The following COL27A1 variants were observed in gnomAD, a reference collection of about 807,000 sequenced individuals.
COL27A1 encodes collagen alpha-1(XXVII) chain.
A neutral mutation model predicts 251.3 loss-of-function variants in COL27A1; 106 were observed. The observed-to-expected ratio is 0.42, with a 90% CI of 0.36 to 0.50. The LOEUF is 0.50. Ranked by LOEUF, COL27A1 falls within the 20% of genes least tolerant of loss-of-function variation. COL27A1 has a pLI of 0.00. For synonymous variants in COL27A1, 1,000 were observed against 986.3 expected (o/e 1.01, Z -0.26); for missense variants, 2,325 against 2,522.8 (o/e 0.92, Z 1.68).
rs139889452 is a variant in COL27A1 at position 114,169,328 on chromosome 9, A to C, written c.1773A>C (p.Val591=). The part of the protein sequence containing the change: ...QPSQQTTPAL[V]LAPAQFLSSS... ...GTCAGCAGACCACCCCGGCCCTGGT[A>C]TTGGCCCCGGCGCAATTCCTGTCCT... is the stretch of plus-strand genomic sequence containing the variant. Residue 591 remains valine (V), a synonymous_variant, in exon 3 of 61, where the codon GTA becomes GTC. Transcript: ENST00000356083. 1.4e-5 allele frequency: 22 copies of C among 1,612,722 alleles called. No individual in the cohort carries two copies. Among genetic ancestry groups the C allele is most frequent in the Middle Eastern group, 1.7e-4 (1 of 6,060 alleles).
intron 49 of COL27A1, among the ~76,000 whole-genome samples, chr9:114,297,746 T>C (rs970943235): frequency 2.6e-5 from 4 of 151,914 alleles, no homozygotes; most frequent in Non-Finnish European, 5.9e-5. Context: ...ACTGAACACT[T>C]CCCCCAAGAT....
chr9:114,248,107 G>C (rs967958434), intron 24 of COL27A1, among the ~76,000 whole-genome samples: 1 of 152,180 alleles, frequency 6.6e-6, no homozygotes, highest in African/African-American at 2.4e-5. Flanking sequence ...TAACATCACT[G>C]TCAGAGGCAA....
chr9:114,307,920 A>G (rs981390499), intron 59 of COL27A1, 142 bp downstream of exon 59: 2 of 594,452 alleles, frequency 3.4e-6, no homozygotes, highest in South Asian at 2.1e-5. Flanking sequence ...TCCTTCCGAG[A>G]CTCAGTTTCC....
At position 114,252,948 on chromosome 9, in the gene COL27A1, G is replaced by C. The variant is rs377465394; in HGVS notation, c.3141+16G>C. 1.2e-6 allele frequency: 2 copies of C among 1,607,506 alleles called. No homozygotes were observed. Among genetic ancestry groups the C allele is most frequent in the Admixed American group, 1.7e-5 (1 of 59,670 alleles). On this transcript the variant is annotated intron_variant, in intron 27 of 60. Transcript: ENST00000356083. The stretch of plus-strand genomic sequence containing the variant: ...TGGACCCCAGGTAAGCAAAGCCCTC[G>C]TGATCCCTAAGCTCAAACCACTGTC...
chr9:114,249,358 A>G (rs1833367638), intron 24 of COL27A1, among the ~76,000 whole-genome samples: 1 of 152,206 alleles, frequency 6.6e-6, no homozygotes, highest in South Asian at 2.1e-4. Flanking sequence ...TACTTCAGAA[A>G]GTTCTCTGAA....
chr9:114,258,268 T>C (rs532821815), intron 27 of COL27A1, among the ~76,000 whole-genome samples: 2 of 152,288 alleles, frequency 1.3e-5, no homozygotes, highest in African/African-American at 4.8e-5. Context: ...CAGGGGGCCT[T>C]ATCCCCACTC....
chr9:114,209,305 C>G (rs1461701398), intron 10 of COL27A1: 2 of 460,806 alleles, frequency 4.3e-6, no homozygotes, highest in African/African-American at 3.9e-5. Flanking sequence ...CCACGGGCAC[C>G]TACCAGCATC....
chr9:114,285,114 T>C (rs1029693735), intron 41 of COL27A1, among the ~76,000 whole-genome samples: 4 of 152,302 alleles, frequency 2.6e-5, no homozygotes, highest in Admixed American at 1.3e-4. Context: ...TGTGTGGACA[T>C]GGGAATTGAA....
chr9:114,243,597 A>G, intron 23 of COL27A1, 37 bp downstream of exon 23: 1 of 1,564,740 alleles, frequency 6.4e-7, no homozygotes, highest in Non-Finnish European at 8.8e-7. Flanking sequence ...ACAAGAGGAA[A>G]GAGGGGATCC....
rs1834840670 is a variant in COL27A1, at chr9:114,267,690, G to A, written c.3501+133G>A. On this transcript the variant is annotated intron_variant, in intron 34 of 60. Transcript: ENST00000356083. ...ATGGGTTCTCTGTGCTCCTGGCTGGGGAGTGGGGCCTGGTTAGGGCCAGAG... is the reference window on the plus strand; with the variant it reads ...ATGGGTTCTCTGTGCTCCTGGCTGGAGAGTGGGGCCTGGTTAGGGCCAGAG... The A allele has an allele frequency of 4.4e-5, 38 of 855,620 alleles. 1 individual carries two copies. The South Asian group carries it at 6.0e-4, about 14-fold the overall frequency. The allele number at this position is 855,620 out of a possible 1,614,324, so 53.0% of individuals were successfully genotyped here.
At position 114,252,806 on chromosome 9, in the gene COL27A1, G is replaced by A; in HGVS notation, c.3088-73G>A. 2.6e-6 allele frequency: 4 copies of A among 1,515,888 alleles called. No homozygotes were observed. In the South Asian group the frequency reaches 4.5e-5, roughly 17 times the overall value. 93.9% of individuals were successfully genotyped at this position (1,515,888 alleles called of 1,614,324 possible). On this transcript the variant is annotated intron_variant, in intron 26 of 60. Transcript: ENST00000356083. ...GTCCTCCTGGCTTTGCACTGGGGCT[G>A]AGCCGACCGAGGTGGGACTGAAGGA...
At chr9:114,165,249 C>G (rs1433749675) in intron 2 of COL27A1, among the ~76,000 whole-genome samples, 2 of 152,196 alleles carry the variant, frequency 1.3e-5, no homozygotes, top group African/African-American at 4.8e-5. Context: ...GCTGCCAGCA[C>G]TCAGGTTCTC....
intron 58 of COL27A1, 37 bp downstream of exon 58, chr9:114,306,725 C>G: frequency 6.2e-7 from 1 of 1,602,574 alleles, no homozygotes; most frequent in South Asian, 1.1e-5. Context: ...GTGCGCCTGG[C>G]GGTGGGGAGC....
intron 4 of COL27A1, among the ~76,000 whole-genome samples, chr9:114,181,103 G>A (rs1462641213): frequency 6.6e-6 from 1 of 152,202 alleles, no homozygotes. Context: ...GAACATCGGA[G>A]GGTGTTCCAG....
intron 18 of COL27A1, among the ~76,000 whole-genome samples, chr9:114,237,254 C>T (rs529285373): frequency 6.6e-6 from 1 of 152,318 alleles, no homozygotes; most frequent in African/African-American, 2.4e-5. Flanking sequence ...CCTCATTTGC[C>T]GACAAAGCTC....
Position 114,235,590 on chromosome 9 carries a change from T to G in COL27A1, c.2566-9T>G, listed in dbSNP as rs1832328473. 1.2e-6 allele frequency: 2 copies of G among 1,612,880 alleles called. No homozygotes were observed. Among genetic ancestry groups the G allele is most frequent in the Non-Finnish European group, 8.5e-7 (1 of 1,178,872 alleles). ...TCCATTGTAACCTTCTTTGCTGGTG[T>G]GTACTTAGGGTGAACAAGGGGTTCC... On this transcript the variant is annotated splice_polypyrimidine_tract_variant and intron_variant, in intron 16 of 60. Transcript: ENST00000356083.
chr9:114,302,726 C>CAAAAAAA (rs60188308), intron 56 of COL27A1, among the ~76,000 whole-genome samples: 2 of 139,200 alleles, frequency 1.4e-5, no homozygotes, highest in Non-Finnish European at 3.1e-5. Context: ...ACAAAAAAAA[C>CAAAAAAA]AAAAAAAAAA....
At chr9:114,300,937 A>T (rs1325939618) in intron 51 of COL27A1, 135 bp from the exon 52 acceptor site, 3 of 882,106 alleles carry the variant, frequency 3.4e-6, no homozygotes, top group South Asian at 1.7e-5. Context: ...GGCTCAGGAG[A>T]TGCATGGCCT....
intron 5 of COL27A1, 63 bp from the exon 6 acceptor site, chr9:114,194,341 G>T (rs140795736): frequency 2.0e-6 from 3 of 1,515,208 alleles, no homozygotes; most frequent in Middle Eastern, 1.7e-4. Flanking sequence ...AGCAGAGTTT[G>T]TGGGGAGGCA....
Sources: gnomAD v4.1 joint callset for allele counts (sites outside exome capture counted in the v4.1 genomes callset) on GRCh38, gnomAD v4.1.1 for gene constraint, MANE v1.5 for transcripts, NCBI Gene and HGNC (gene_info 2026-07-23, HGNC 2026-07-21) for gene names.